The following PLCB1 variants were observed in gnomAD, a reference collection of about 807,000 sequenced individuals.
The protein encoded by PLCB1 is phospholipase C beta 1.
A neutral mutation model predicts 161.8 loss-of-function variants in PLCB1; 46 were observed. The ratio of observed to expected loss-of-function variants is 0.28; its 90% CI spans 0.22 to 0.36. The LOEUF is 0.36. PLCB1 is among the 10% of genes least tolerant of loss of function. PLCB1 has a pLI of 1.00. For synonymous variants in PLCB1, 517 were observed against 503.7 expected (o/e 1.03, Z -0.35); for missense variants, 1,016 against 1,472.5 (o/e 0.69, Z 5.07).
At chr20:8,383,709 A>T (rs1987334038) in intron 3 of PLCB1, among the ~76,000 whole-genome samples, 1 of 152,176 alleles carries the variant, frequency 6.6e-6, no homozygotes, top group South Asian at 2.1e-4. Context: ...GAGCTCTTGC[A>T]AGTCAAGCCT....
intron 2 of PLCB1, among the ~76,000 whole-genome samples, chr20:8,294,122 A>C (rs987092314): frequency 1.3e-5 from 2 of 152,156 alleles, no homozygotes; most frequent in African/African-American, 4.8e-5. Flanking sequence ...TCTTTAGAGG[A>C]TGACCTAAAT....
intron 4 of PLCB1, among the ~76,000 whole-genome samples, chr20:8,639,060 G>C (rs1988860453): frequency 6.6e-6 from 1 of 152,146 alleles, no homozygotes; most frequent in South Asian, 2.1e-4. Flanking sequence ...GGTGGTAAGA[G>C]AATTTACCAA....
At chr20:8,770,153 T>C (rs1397722746) in intron 26 of PLCB1, among the ~76,000 whole-genome samples, 1 of 151,858 alleles carries the variant, frequency 6.6e-6, no homozygotes, top group Non-Finnish European at 1.5e-5. Flanking sequence ...GGGGTTTCAC[T>C]GTGTTAGCCA....
At chr20:8,553,059 A>G (rs1433406074) in intron 3 of PLCB1, among the ~76,000 whole-genome samples, 1 of 152,156 alleles carries the variant, frequency 6.6e-6, no homozygotes, top group African/African-American at 2.4e-5. Flanking sequence ...TCGCTGCATT[A>G]TAAAGAACAG....
At chr20:8,303,275 CTCAG>C (rs1226328045) in intron 2 of PLCB1, among the ~76,000 whole-genome samples, 1 of 152,160 alleles carries the variant, frequency 6.6e-6, no homozygotes, top group Non-Finnish European at 1.5e-5. Flanking sequence ...ATTTTATCTC[CTCAG>C]TCATTTGTTG....
chr20:8,497,436 T>G (rs763780917), intron 3 of PLCB1, among the ~76,000 whole-genome samples: 12 of 152,348 alleles, frequency 7.9e-5, no homozygotes, highest in Non-Finnish European at 1.5e-4. Flanking sequence ...AATACAGTTT[T>G]GCCAGCAATT....
chr20:8,863,440 G>A (rs979738841), intron 31 of PLCB1, among the ~76,000 whole-genome samples: 2 of 152,182 alleles, frequency 1.3e-5, no homozygotes, highest in African/African-American at 2.4e-5. Context: ...TAAATCAATA[G>A]TTCTCACACT....
At chr20:8,814,890 C>T (rs909728669) in intron 31 of PLCB1, among the ~76,000 whole-genome samples, 1 of 152,162 alleles carries the variant, frequency 6.6e-6, no homozygotes, top group East Asian at 1.9e-4. Flanking sequence ...GGTCCACTTA[C>T]AGGCAGGAGT....
At chr20:8,485,370 G>T (rs183172966) in intron 3 of PLCB1, among the ~76,000 whole-genome samples, 43 of 152,260 alleles carry the variant, frequency 2.8e-4, no homozygotes, top group African/African-American at 1.0e-3. Flanking sequence ...CCTTGTTCTC[G>T]TGCTGATGAT....
chr20:8,403,775 T>G (rs1978668276), intron 3 of PLCB1, among the ~76,000 whole-genome samples: 1 of 152,030 alleles, frequency 6.6e-6, no homozygotes, highest in Non-Finnish European at 1.5e-5. Context: ...CAGGGGAAAA[T>G]CTATACTCAT....
intron 31 of PLCB1, among the ~76,000 whole-genome samples, chr20:8,824,869 A>G (rs1299368687): frequency 6.6e-6 from 1 of 152,198 alleles, no homozygotes; most frequent in Non-Finnish European, 1.5e-5. Flanking sequence ...GGGAGGAAAA[A>G]TTAGTAAGCC....
intron 31 of PLCB1, 110 bp from the exon 32 acceptor site, chr20:8,881,507 TTTAAG>T (rs1987987841): frequency 4.0e-5 from 29 of 716,758 alleles, no homozygotes; most frequent in Non-Finnish European, 6.8e-5. Flanking sequence ...TGAATGATAT[TTTAAG>T]TTAATGTATT....
chr20:8,189,275 T>C (rs2051939989), intron 2 of PLCB1, among the ~76,000 whole-genome samples: 1 of 151,114 alleles, frequency 6.6e-6, no homozygotes, highest in Admixed American at 6.6e-5. Context: ...GATGGGTAAC[T>C]ATGTGAGATA....
At position 8,132,819 on chromosome 20, in the gene PLCB1, G is replaced by A; in HGVS notation, c.99+69G>A. On this transcript the variant is annotated intron_variant, in intron 1 of 31. Coordinates refer to ENST00000338037, the MANE Select transcript of PLCB1 (RefSeq NM_015192.4). This position sits in a 1 kb window ranked among gnomAD's most constrained non-coding sequence, Gnocchi z 5.2. ...CGGGCAGGGCGGGCGTCGTGGGGGT[G>A]GGGCAAGGGGCGCGTTATGCAATGG... 9.1e-7 allele frequency: 1 copy of A among 1,098,074 alleles called. No homozygotes were observed. Among genetic ancestry groups the A allele is most frequent in the South Asian group, 1.3e-5 (1 of 75,838 alleles). 68.0% of individuals were successfully genotyped at this position (1,098,074 alleles called of 1,614,324 possible).
chr20:8,362,416 G>T (rs1390922550), intron 2 of PLCB1, among the ~76,000 whole-genome samples: 1 of 152,186 alleles, frequency 6.6e-6, no homozygotes, highest in Admixed American at 6.5e-5. Flanking sequence ...CCAGAAGCAA[G>T]TGTGGCAGTT....
In PLCB1 at chr20:8,733,541, CA is replaced by C. The variant is rs1980385421; in HGVS notation, c.2043+150del. The C allele has an allele frequency of 1.7e-4, 110 of 648,490 alleles. 1 individual carries two copies. The South Asian group carries it at 2.2e-3, about 13-fold the overall frequency. 40.2% of individuals were successfully genotyped at this position (648,490 alleles called of 1,614,324 possible). A position where few individuals can be genotyped will look rare whatever the true frequency, so the allele number is the denominator to read the frequency against. On this transcript the variant is annotated intron_variant, in intron 19 of 31. Coordinates refer to ENST00000338037, the MANE Select transcript of PLCB1 (RefSeq NM_015192.4). ...TTTTTTTCTCTAAAGATCAAATACA[CA>C]TTAAAAGTTTTCGTAAGGGGTCCGT...
At chr20:8,691,483 T>G (rs537475291) in intron 10 of PLCB1, among the ~76,000 whole-genome samples, 4 of 152,258 alleles carry the variant, frequency 2.6e-5, no homozygotes, top group Admixed American at 2.6e-4. Flanking sequence ...TACCGTAATG[T>G]GTTTTGAATA....
At chr20:8,720,858 T>A (rs34616803) in intron 14 of PLCB1, among the ~76,000 whole-genome samples, 60,021 of 143,970 alleles carry the variant, frequency 0.42, 12,524 homozygotes, top group African/African-American at 0.46. Context: ...TTTTTTTTTT[T>A]AAAAAAAAAA....
intron 31 of PLCB1, chr20:8,831,248 G>T (rs6118336): frequency 1.1e-4 from 17 of 157,580 alleles, no homozygotes; most frequent in Non-Finnish European, 2.1e-4. Flanking sequence ...GCATAGGGGA[G>T]CACAGGGCTC....
Sources: allele counts gnomAD v4.1 joint callset (sites outside exome capture counted in the v4.1 genomes callset), GRCh38; gene constraint gnomAD v4.1.1; non-coding constraint Gnocchi (gnomAD v3.1); transcripts MANE v1.5; gene names NCBI Gene and HGNC (gene_info 2026-07-23, HGNC 2026-07-21).